H3-3A: variants seen among roughly 807,000 people sequenced by gnomAD.
The protein encoded by H3-3A is H3.3 histone A.
For missense variants in H3-3A, 7 were observed against 184.0 expected (o/e 0.04, Z 5.57); for synonymous variants, 49 against 61.4 (o/e 0.80, Z 0.95).
chr1:226,062,313 G>A (rs1236223016), upstream of H3-3A, among the ~76,000 whole-genome samples: 3 of 150,242 alleles, frequency 2.0e-5, no homozygotes, highest in African/African-American at 4.9e-5. Flanking sequence ...CACCCGCCGC[G>A]CCTCCGCCCG....
chr1:226,069,383 A>T (rs1281587222), intron 3 of H3-3A, among the ~76,000 whole-genome samples: 1 of 152,200 alleles, frequency 6.6e-6, no homozygotes, highest in Non-Finnish European at 1.5e-5. Flanking sequence ...AAATGCAACT[A>T]TAAGACTGTT....
intron 3 of H3-3A, among the ~76,000 whole-genome samples, chr1:226,069,718 C>T (rs1658041368): frequency 6.6e-6 from 1 of 152,168 alleles, no homozygotes; most frequent in Admixed American, 6.5e-5. Context: ...GTAATCCCAG[C>T]TACTCGGGAG....
chr1:226,064,892 C>T (rs1657873047), intron 2 of H3-3A, among the ~76,000 whole-genome samples: 1 of 152,116 alleles, frequency 6.6e-6, no homozygotes, highest in Admixed American at 6.5e-5. Flanking sequence ...AAAGTTCCTA[C>T]CCCCTCATTT....
intron 2 of H3-3A, 28 bp downstream of exon 2, chr1:226,064,507 C>A (rs2102735886): frequency 6.3e-7 from 1 of 1,592,440 alleles, no homozygotes; most frequent in Non-Finnish European, 8.6e-7. Context: ...AAAAATGGGA[C>A]AAAGTCTCTC....
At chr1:226,070,707 A>C (rs922015463) in intron 3 of H3-3A, among the ~76,000 whole-genome samples, 4 of 152,128 alleles carry the variant, frequency 2.6e-5, no homozygotes, top group Non-Finnish European at 4.4e-5. Flanking sequence ...CGGGAGGTGG[A>C]GGTTGCAGTG....
At position 226,065,713 on chromosome 1, in the gene H3-3A, G is replaced by C; in HGVS notation, c.186G>C (p.Leu62=). Residue 62 remains leucine (L), a synonymous_variant, in exon 3 of 4, where the codon CTG becomes CTC. Transcript: ENST00000366815. ...GTTATCAGAAGTCCACTGAACTTCT[G>C]ATTCGCAAACTTCCCTTCCAGCGTC... ...IRRYQKSTEL[L]IRKLPFQRLV... is the part of the protein sequence containing the mutation. The C allele has an allele frequency of 6.2e-7, 1 of 1,609,382 alleles. No homozygotes were observed. The highest frequency in any genetic ancestry group is 8.5e-7 in the Non-Finnish European group (1 of 1,175,968).
chr1:226,063,050 C>T (rs1247545269), intron 1 of H3-3A, among the ~76,000 whole-genome samples: 2 of 152,168 alleles, frequency 1.3e-5, no homozygotes, highest in East Asian at 3.9e-4. Flanking sequence ...AGCCTGCTCT[C>T]CCTCCTCCTC....
intron 1 of H3-3A, 118 bp from the exon 2 acceptor site, chr1:226,064,211 G>C (rs1357349803): frequency 4.4e-6 from 3 of 686,032 alleles, no homozygotes; most frequent in African/African-American, 3.6e-5. Context: ...ATAACAATAC[G>C]AACATTATTT....
At chr1:226,063,747 C>A (rs924676731) in intron 1 of H3-3A, among the ~76,000 whole-genome samples, 1 of 152,052 alleles carries the variant, frequency 6.6e-6, no homozygotes. Flanking sequence ...GAGGACTGGA[C>A]GCGAGGACGG....
At chr1:226,063,188 G>T (rs534427048) in intron 1 of H3-3A, among the ~76,000 whole-genome samples, 2 of 150,774 alleles carry the variant, frequency 1.3e-5, no homozygotes, top group South Asian at 2.1e-4. Context: ...CCCAGTTTTC[G>T]AGCGGGAAAG....
intron 3 of H3-3A, among the ~76,000 whole-genome samples, chr1:226,070,770 C>G (rs1285544378): frequency 2.5e-5 from 1 of 40,360 alleles, no homozygotes; most frequent in Non-Finnish European, 5.6e-5. Flanking sequence ...AAGACTCCAT[C>G]TCAGAAAGAA....
At chr1:226,066,021 A>G (rs1003423749) in intron 3 of H3-3A, 2 of 600,164 alleles carry the variant, frequency 3.3e-6, no homozygotes. Flanking sequence ...TTTGACTCCA[A>G]GGCTTAGTGC....
chr1:226,070,679 A>G (rs563945240), intron 3 of H3-3A, among the ~76,000 whole-genome samples: 13 of 152,212 alleles, frequency 8.5e-5, no homozygotes, highest in African/African-American at 3.1e-4. Context: ...AGGCTGAGGC[A>G]GGAGAATCGC....
chr1:226,064,620 TAAATG>T, intron 2 of H3-3A, 141 bp downstream of exon 2: 1 of 619,698 alleles, frequency 1.6e-6, no homozygotes. Flanking sequence ...ACTGCTTAAA[TAAATG>T]TACTGTATGA....
chr1:226,062,198 C>G (rs1657728058), upstream of H3-3A: 1 of 151,482 alleles, frequency 6.6e-6, no homozygotes, highest in South Asian at 2.1e-4. Context: ...TCCTCCTCCC[C>G]CACTGCCGCC....
intron 1 of H3-3A, among the ~76,000 whole-genome samples, chr1:226,063,585 C>T (rs1253456416): frequency 6.6e-6 from 1 of 152,028 alleles, no homozygotes; most frequent in Admixed American, 6.6e-5. Flanking sequence ...GCGCTGGGAG[C>T]GAGGCGGGCA....
intron 3 of H3-3A, among the ~76,000 whole-genome samples, chr1:226,067,743 CA>C (rs4012724): frequency 0.65 from 95,051 of 146,114 alleles, 32,090 homozygotes; most frequent in South Asian, 0.79. Context: ...ACTCTTGTCT[CA>C]AAAAAAAAAA....
chr1:226,068,985 G>A (rs77453046), intron 3 of H3-3A, among the ~76,000 whole-genome samples: 347 of 151,998 alleles, frequency 2.3e-3, no homozygotes, highest in Middle Eastern at 0.01. Context: ...CAATTTGAAT[G>A]AAGGAAACTT....
At chr1:226,062,590 C>A (rs1179320611), upstream of H3-3A, 1 of 61,704 alleles carries the variant, frequency 1.6e-5, no homozygotes, top group Non-Finnish European at 3.3e-5. Flanking sequence ...GGGGGAAGGG[C>A]GGGGGCGGGG....
Sources: allele counts gnomAD v4.1 joint callset (sites outside exome capture counted in the v4.1 genomes callset), GRCh38; gene constraint gnomAD v4.1.1; transcripts MANE v1.5; gene names NCBI Gene and HGNC (gene_info 2026-07-23, HGNC 2026-07-21).